PPFIA2: variants seen among roughly 807,000 people sequenced by gnomAD.
PPFIA2 encodes PPFI scaffold protein A2, also known as liprin-alpha-2.
In PPFIA2, 46 loss-of-function variants were observed where a neutral mutation model predicts 175.5. The observed-to-expected ratio is 0.26, with a 90% CI of 0.21 to 0.34. The LOEUF is 0.34. Ranked by LOEUF, PPFIA2 falls within the 10% of genes least tolerant of loss-of-function variation. PPFIA2 has a pLI of 1.00. For missense variants in PPFIA2, 1,179 were observed against 1,506.1 expected, an observed-to-expected ratio of 0.78 and a Z score of 3.60; for synonymous variants, 568 against 511.4, an observed-to-expected ratio of 1.11 and a Z score of -1.49.
chr12:81,268,737 A>T (rs886810794), intron 28 of PPFIA2, among the ~76,000 whole-genome samples: 11 of 152,164 alleles, frequency 7.2e-5, no homozygotes, highest in Non-Finnish European at 1.5e-5. Flanking sequence ...TCAGAGGGAG[A>T]CATTTCTTAT....
chr12:81,585,783 T>C (rs1248126238), intron 4 of PPFIA2, among the ~76,000 whole-genome samples: 1 of 151,946 alleles, frequency 6.6e-6, no homozygotes, highest in Non-Finnish European at 1.5e-5. Context: ...AAATATTGTA[T>C]AGTAAATGTA....
At chr12:81,732,839 G>A (rs2081099011) in intron 3 of PPFIA2, among the ~76,000 whole-genome samples, 1 of 151,398 alleles carries the variant, frequency 6.6e-6, no homozygotes, top group Non-Finnish European at 1.5e-5. Context: ...AATTATAGAT[G>A]CAGAAACTTG....
chr12:81,637,681 T>C (rs17008853), intron 4 of PPFIA2, among the ~76,000 whole-genome samples: 8,736 of 152,120 alleles, frequency 0.057, 361 homozygotes, highest in East Asian at 0.24. Flanking sequence ...TTATACTGAG[T>C]ATTTATATGC....
intron 17 of PPFIA2, among the ~76,000 whole-genome samples, chr12:81,349,187 A>C (rs2059595087): frequency 6.6e-6 from 1 of 152,168 alleles, no homozygotes; most frequent in African/African-American, 2.4e-5. Flanking sequence ...CAAATCTTTC[A>C]GTTTTTAAGT....
chr12:81,381,696 G>A (rs1220428353), intron 9 of PPFIA2, among the ~76,000 whole-genome samples: 1 of 152,090 alleles, frequency 6.6e-6, no homozygotes, highest in African/African-American at 2.4e-5. Context: ...GTGAAGAGAA[G>A]AGATGCATCC....
chr12:81,367,961 T>G (rs1193474146), intron 13 of PPFIA2: 1 of 475,134 alleles, frequency 2.1e-6, no homozygotes. Flanking sequence ...AATGGGTAAA[T>G]TAATCAAACT....
rs932057408 is a variant in PPFIA2, at chr12:81,369,218, A to G, written c.1267-24T>C. 6 of 1,599,682 alleles carry G rather than the reference A, an allele frequency of 3.8e-6. No individual in the cohort carries two copies. In the Admixed American group the frequency reaches 1.0e-4, roughly 27 times the overall value. On this transcript the variant is annotated intron_variant, in intron 11 of 32. Transcript: ENST00000549396. Reference sequence around the variant, plus strand: ...GCCTGTTAAGAAATATGAAGAATACACCTGAAATGTAAGATTTGGTTAACA... The same window carrying G: ...GCCTGTTAAGAAATATGAAGAATACGCCTGAAATGTAAGATTTGGTTAACA...
intron 4 of PPFIA2, among the ~76,000 whole-genome samples, chr12:81,538,337 C>A (rs1327593988): frequency 1.3e-5 from 2 of 151,758 alleles, no homozygotes; most frequent in Non-Finnish European, 2.9e-5. Flanking sequence ...CCATTACATG[C>A]ATGTTCATGG....
At chr12:81,559,551 TTA>T (rs1267412791) in intron 4 of PPFIA2, among the ~76,000 whole-genome samples, 1 of 152,160 alleles carries the variant, frequency 6.6e-6, no homozygotes, top group African/African-American at 2.4e-5. Context: ...TATAAGCACA[TTA>T]AAAATTATAC....
At chr12:81,532,417 G>A (rs1479305637) in intron 4 of PPFIA2, among the ~76,000 whole-genome samples, 3 of 151,738 alleles carry the variant, frequency 2.0e-5, no homozygotes, top group Non-Finnish European at 2.9e-5. Flanking sequence ...GTTGCCATGA[G>A]GTCAAGTAGT....
intron 3 of PPFIA2, among the ~76,000 whole-genome samples, chr12:81,719,747 T>C (rs1477689262): frequency 6.6e-6 from 1 of 151,504 alleles, no homozygotes; most frequent in African/African-American, 2.4e-5. Flanking sequence ...TATATACATA[T>C]TCTAATATCT....
At chr12:81,534,059 C>A (rs1157439483) in intron 4 of PPFIA2, among the ~76,000 whole-genome samples, 1 of 151,492 alleles carries the variant, frequency 6.6e-6, no homozygotes, top group African/African-American at 2.4e-5. Flanking sequence ...GTGAAATAAG[C>A]AAGGCACAGA....
chr12:81,633,666 T>C (rs1439079370), intron 4 of PPFIA2, among the ~76,000 whole-genome samples: 2 of 152,008 alleles, frequency 1.3e-5, no homozygotes, highest in Admixed American at 6.5e-5. Flanking sequence ...AGAAATTTTA[T>C]GAGCAAAGGA....
At chr12:81,658,887 A>C (rs2068266127) in intron 4 of PPFIA2, among the ~76,000 whole-genome samples, 1 of 152,174 alleles carries the variant, frequency 6.6e-6, no homozygotes, top group Admixed American at 6.5e-5. Context: ...AAAACTATGG[A>C]ATTCTAGGGA....
chr12:81,308,538 T>G (rs549472397), intron 22 of PPFIA2, among the ~76,000 whole-genome samples: 1 of 152,282 alleles, frequency 6.6e-6, no homozygotes, highest in Admixed American at 6.5e-5. Context: ...TCTGAAATTT[T>G]TCATAACTGA....
At chr12:81,493,754 C>CTACATATA (rs36119333) in intron 4 of PPFIA2, among the ~76,000 whole-genome samples, 1 of 102,120 alleles carries the variant, frequency 9.8e-6, no homozygotes, top group African/African-American at 4.1e-5. Context: ...GTGTGTGTGT[C>CTACATATA]TATATATATA....
chr12:81,734,364 C>T (rs1039801799), intron 3 of PPFIA2, among the ~76,000 whole-genome samples: 2 of 151,866 alleles, frequency 1.3e-5, no homozygotes, highest in Non-Finnish European at 2.9e-5. Context: ...TCACACTAAG[C>T]AAGCCATCAT....
intron 4 of PPFIA2, among the ~76,000 whole-genome samples, chr12:81,631,639 C>A (rs1339550648): frequency 1.3e-5 from 2 of 152,090 alleles, no homozygotes; most frequent in Non-Finnish European, 1.5e-5. Context: ...ATTCTAGAAC[C>A]TTGAAATTGG....
chr12:81,670,797 C>A (rs909602025), intron 4 of PPFIA2, among the ~76,000 whole-genome samples: 3 of 152,024 alleles, frequency 2.0e-5, no homozygotes, highest in Middle Eastern at 3.4e-3. Flanking sequence ...CTGCTAATAA[C>A]CCTCTTGCCA....
Sources: gnomAD v4.1 joint callset for allele counts (sites outside exome capture counted in the v4.1 genomes callset) on GRCh38, gnomAD v4.1.1 for gene constraint, MANE v1.5 for transcripts, NCBI Gene and HGNC (gene_info 2026-07-23, HGNC 2026-07-21) for gene names.